RASSF7: variants seen among roughly 807,000 people sequenced by gnomAD.
RASSF7 encodes the protein Ras association domain family member 7.
RASSF7 carries 41 observed loss-of-function variants against 33.8 expected under a neutral mutation model. That is an observed-to-expected ratio of 1.21 (90% CI 0.95 to 1.57). The LOEUF is 1.57. Ranked by LOEUF, RASSF7 falls within the 40% of genes most tolerant of loss-of-function variation. The probability of loss-of-function intolerance (pLI) is 0.00; values close to 1 mark genes in which losing one functional copy is unlikely to be tolerated. For missense variants in RASSF7, 622 were observed against 497.0 expected (o/e 1.25, Z -2.39); for synonymous variants, 298 against 212.8 (o/e 1.40, Z -3.48).
In RASSF7 at chr11:562,644, C is replaced by T. The variant is rs1178640570; in HGVS notation, c.690C>T (p.Pro230=). The stretch of plus-strand genomic sequence containing the variant: ...AGCTGGCAGCGGAGGCCCCTGGGCC[C>T]CCCTCACCTATGGCATCTGCCACTG... ...ELQLAAEAPG[P]PSPMASATER... The change falls in exon 3 of 6, where the codon CCC becomes CCT. Residue 230 remains proline, a synonymous_variant. Transcript: ENST00000397583. 35 of 1,543,572 alleles carry T rather than the reference C, an allele frequency of 2.3e-5. No homozygotes were observed. The highest frequency in any genetic ancestry group is 7.3e-5 in the East Asian group (3 of 40,926).
chr11:561,194 C>T lies in RASSF7; in HGVS notation c.-291C>T, dbSNP rs1853278895. 1.0e-6 allele frequency: 1 copy of T among 984,812 alleles called. No individual in the cohort carries two copies. Among genetic ancestry groups the T allele is most frequent in the African/African-American group, 1.8e-5 (1 of 57,132 alleles). 61.0% of individuals were successfully genotyped at this position (984,812 alleles called of 1,614,324 possible). ...TGCGGAACGGGGACGCCCTGGCTCCCGCCAGGCTGGGGTCGCGGCGCGGGC... is the reference window on the plus strand; with the variant it reads ...TGCGGAACGGGGACGCCCTGGCTCCTGCCAGGCTGGGGTCGCGGCGCGGGC... On this transcript the variant is annotated 5_prime_UTR_variant, in exon 1 of 6. Coordinates refer to ENST00000397583, the MANE Select transcript of RASSF7 (RefSeq NM_003475.4).
Position 562,460 on chromosome 11 carries a change from T to A in RASSF7, c.506T>A (p.Leu169Gln). ...AGGGTGCAGAGGAATGCTGAGGAGCTGGGCCATGAGGCCTTCTGGGAGCAA... is the reference window on the plus strand; with the variant it reads ...AGGGTGCAGAGGAATGCTGAGGAGCAGGGCCATGAGGCCTTCTGGGAGCAA... ...ELRVQRNAEELGHEAFWEQEL... is the reference protein window; with the variant it reads ...ELRVQRNAEEQGHEAFWEQEL... The change falls in exon 3 of 6, where the codon CTG (leucine) becomes CAG (glutamine). Residue 169 changes from leucine (L) to glutamine (Q), a missense_variant. Physicochemically the swap from Leu to Gln is moderately radical, Grantham distance 113 (BLOSUM62 -2). Coordinates refer to ENST00000397583, the MANE Select transcript of RASSF7 (RefSeq NM_003475.4). The A allele has an allele frequency of 6.4e-7, 1 of 1,550,726 alleles. No homozygotes were observed. The highest frequency in any genetic ancestry group is 8.7e-7 in the Non-Finnish European group (1 of 1,147,016).
chr11:561,944 C>T, intron 2 of RASSF7, 52 bp downstream of exon 2: 1 of 1,607,222 alleles, frequency 6.2e-7, no homozygotes, highest in Non-Finnish European at 8.5e-7. Flanking sequence ...GAAGTGGGAC[C>T]TGGTGGTCCA....
In RASSF7 at chr11:563,239, C is replaced by T. The variant is rs1440240998; in HGVS notation, c.873C>T (p.Asn291=). 2 of 1,609,246 alleles carry T rather than the reference C, an allele frequency of 1.2e-6. No individual in the cohort carries two copies. Among genetic ancestry groups the T allele is most frequent in the Non-Finnish European group, 1.7e-6 (2 of 1,177,690 alleles). Residue 291 remains asparagine, a synonymous_variant, in exon 4 of 6, where the codon AAC becomes AAT. Transcript: ENST00000397583. Reference sequence around the variant, plus strand: ...TGAACCGAGAGCTCCGTCAGTGCAACCTGCAGCAGTTCATCCAGCAGACCG... The same window carrying T: ...TGAACCGAGAGCTCCGTCAGTGCAATCTGCAGCAGTTCATCCAGCAGACCG... The part of the protein sequence containing the change: ...EELNRELRQC[N]LQQFIQQTGA...
Position 563,307 on chromosome 11 carries a change from C to T in RASSF7, c.941C>T (p.Pro314Leu), listed in dbSNP as rs1182456233. 1.2e-6 allele frequency: 2 copies of T among 1,609,480 alleles called. No homozygotes were observed. The highest frequency in any genetic ancestry group is 3.4e-5 in the Admixed American group (2 of 59,476). ...PPPPRPDRGP[P>L]GTQGPLPPAR... ...CCCCCACGGCCTGACAGGGGCCCTC[C>T]TGGCACTCAGGTCGGAGTGGTTCTG... Residue 314 changes from proline (P) to leucine (L), a missense_variant, in exon 4 of 6, where the codon CCT becomes CTT. Physicochemically the swap from Pro to Leu is moderately conservative, Grantham distance 98. Coordinates refer to ENST00000397583, the MANE Select transcript of RASSF7 (RefSeq NM_003475.4).
Position 561,244 on chromosome 11 carries a change from G to C in RASSF7, c.-241G>C. ...CTTCGGTGCCCGCGGCGGGGACCGG[G>C]ACTTTCGGGGCGAGCGCAGCGATTA... On this transcript the variant is annotated 5_prime_UTR_variant, in exon 1 of 6. Coordinates refer to ENST00000397583, the MANE Select transcript of RASSF7 (RefSeq NM_003475.4). The C allele has an allele frequency of 1.0e-6, 1 of 985,424 alleles. No individual in the cohort carries two copies. The highest frequency in any genetic ancestry group is 1.2e-6 in the Non-Finnish European group (1 of 829,926). The allele number at this position is 985,424 out of a possible 1,614,324, so 61.0% of individuals were successfully genotyped here. A position where few individuals can be genotyped will look rare whatever the true frequency, so the allele number is the denominator to read the frequency against.
Position 561,801 on chromosome 11 carries a change from G to C in RASSF7, c.33G>C (p.Lys11Asn). The part of the protein sequence containing the change: MLLGLAAMEL[K>N]VWVDGIQRVV... ...TGGGACTGGCGGCCATGGAGCTGAA[G>C]GTGTGGGTGGATGGCATCCAGCGTG... Residue 11 changes from lysine to asparagine, a missense_variant, in exon 2 of 6, where the codon AAG (lysine) becomes AAC (asparagine). Coordinates refer to ENST00000397583, the MANE Select transcript of RASSF7 (RefSeq NM_003475.4). 6.2e-7 allele frequency: 1 copy of C among 1,613,402 alleles called. No individual in the cohort carries two copies. Among genetic ancestry groups the C allele is most frequent in the South Asian group, 1.1e-5 (1 of 91,086 alleles).
In RASSF7 at chr11:561,453, G is replaced by T. The variant is rs1853296724; in HGVS notation, c.-32G>T. The T allele has an allele frequency of 5.0e-6, 6 of 1,194,130 alleles. No individual in the cohort carries two copies. Among genetic ancestry groups the T allele is most frequent in the Non-Finnish European group, 6.3e-6 (6 of 956,690 alleles). 74.0% of individuals were successfully genotyped at this position (1,194,130 alleles called of 1,614,324 possible). A position where few individuals can be genotyped will look rare whatever the true frequency, so the allele number is the denominator to read the frequency against. On this transcript the variant is annotated 5_prime_UTR_variant, in exon 1 of 6. Transcript: ENST00000397583. ...TGCGGGCGCCTCCGCGCCGCCCGGGGAGGGGGCAGTGTCCTCCGAGCCAGG... is the reference window on the plus strand; with the variant it reads ...TGCGGGCGCCTCCGCGCCGCCCGGGTAGGGGGCAGTGTCCTCCGAGCCAGG...
In RASSF7 at chr11:562,413, A is replaced by G; in HGVS notation, c.459A>G (p.Thr153=). The G allele has an allele frequency of 6.4e-7, 1 of 1,560,862 alleles. No individual in the cohort carries two copies. Among genetic ancestry groups the G allele is most frequent in the Non-Finnish European group, 8.7e-7 (1 of 1,152,360 alleles). ...APVTPTPGCC[T]DLRGLELRVQ... Reference sequence around the variant, plus strand: ...TGACACCCACACCAGGCTGCTGCACAGACCTGCGGGGCCTGGAGCTCAGGG... The same window carrying G: ...TGACACCCACACCAGGCTGCTGCACGGACCTGCGGGGCCTGGAGCTCAGGG... Residue 153 remains threonine (T), a synonymous_variant, in exon 3 of 6, where the codon ACA becomes ACG. Transcript: ENST00000397583.
Position 561,847 on chromosome 11 carries a change from C to G in RASSF7, c.79C>G (p.Gln27Glu), listed in dbSNP as rs1853333161. The change falls in exon 2 of 6, where the codon CAG (glutamine) becomes GAG (glutamate). Residue 27 changes from glutamine (Q) to glutamate (E), a missense_variant. Transcript: ENST00000397583. ...GCGTGTGGTCTGTGGGGTCTCAGAG[C>G]AGACCACCTGCCAGGAAGTGGTCAT... ...IQRVVCGVSEQTTCQEVVIAL... is the reference protein window; with the variant it reads ...IQRVVCGVSEETTCQEVVIAL... 2 of 1,613,416 alleles carry G rather than the reference C, an allele frequency of 1.2e-6. No individual in the cohort carries two copies. The highest frequency in any genetic ancestry group is 2.2e-5 in the South Asian group (2 of 91,078).
rs200731347 is a variant in RASSF7, at chr11:563,332, G to C, written c.951+15G>C. 111 of 1,606,704 alleles carry C rather than the reference G, an allele frequency of 6.9e-5. 1 individual carries two copies. The East Asian group carries it at 1.8e-3, about 27-fold the overall frequency. On this transcript the variant is annotated intron_variant, in intron 4 of 5. Transcript: ENST00000397583. ...CTGGCACTCAGGTCGGAGTGGTTCT[G>C]GGGGGAGGCTGGGAGGTGAGGACCT...
chr11:561,798 G>C lies in RASSF7; in HGVS notation c.30G>C (p.Leu10=). The change falls in exon 2 of 6, where the codon CTG becomes CTC. Residue 10 remains leucine (L), a synonymous_variant. Transcript: ENST00000397583. ...TGTTGGGACTGGCGGCCATGGAGCT[G>C]AAGGTGTGGGTGGATGGCATCCAGC... MLLGLAAME[L]KVWVDGIQRV... 6.2e-7 allele frequency: 1 copy of C among 1,613,408 alleles called. No individual in the cohort carries two copies. The highest frequency in any genetic ancestry group is 8.5e-7 in the Non-Finnish European group (1 of 1,180,026).
chr11:562,355 C>A lies in RASSF7; in HGVS notation c.401C>A (p.Pro134His). Residue 134 changes from proline (P) to histidine (H), a missense_variant, in exon 3 of 6, where the codon CCC becomes CAC. Transcript: ENST00000397583. ...PRKTLTPEPA[P>H]SLSRPGPAAP... ...AAAACACTGACCCCCGAGCCAGCCC[C>A]CAGCCTCTCACGCCCTGGGCCTGCG... The A allele has an allele frequency of 1.2e-6, 2 of 1,603,162 alleles. No homozygotes were observed. The highest frequency in any genetic ancestry group is 8.5e-7 in the Non-Finnish European group (1 of 1,175,658).
In RASSF7 at chr11:561,386, C is replaced by A; in HGVS notation, c.-99C>A. ...GAGCGCCTCTGCGGCCTGAGCAGGT[C>A]GGGGTGGGGCGTTCCCATGCCGGCG... is the stretch of plus-strand genomic sequence containing the variant. On this transcript the variant is annotated 5_prime_UTR_variant, in exon 1 of 6. Transcript: ENST00000397583. The A allele has an allele frequency of 9.1e-7, 1 of 1,097,670 alleles. No homozygotes were observed. The highest frequency in any genetic ancestry group is 2.7e-5 in the South Asian group (1 of 37,212). 68.0% of individuals were successfully genotyped at this position (1,097,670 alleles called of 1,614,324 possible).
chr11:562,266 A>C lies in RASSF7; in HGVS notation c.312A>C (p.Glu104Asp), dbSNP rs775998412. The C allele has an allele frequency of 1.2e-6, 2 of 1,612,942 alleles. No homozygotes were observed. The highest frequency in any genetic ancestry group is 2.2e-5 in the South Asian group (2 of 91,084). The change falls in exon 3 of 6, where the codon GAA (glutamate) becomes GAC (aspartate). Residue 104 changes from glutamate to aspartate, a missense_variant. By Grantham distance (45) the Glu-to-Asp change is conservative. Coordinates refer to ENST00000397583, the MANE Select transcript of RASSF7 (RefSeq NM_003475.4). ...CCTCAGACAGCTGTCCACCCCCGGA[A>C]CGCTGCCTAATTCGTGCCAGCCTCC... is the stretch of plus-strand genomic sequence containing the variant. ...RPSSDSCPPP[E>D]RCLIRASLPV...
chr11:561,538 C>T (rs1853303910), intron 1 of RASSF7, 61 bp downstream of exon 1: 2 of 1,406,560 alleles, frequency 1.4e-6, no homozygotes, highest in Non-Finnish European at 1.9e-6. Context: ...GGAGTGCGAG[C>T]GTGGCAAGAG....
rs1853308291 is a variant in RASSF7, at chr11:561,591, C to T, written c.-8+114C>T. ...GGAGGATGCGTGCTCCGGAGGGCCG[C>T]CACCCCAGGAATGTGTGGCTGGCGG... On this transcript the variant is annotated intron_variant, in intron 1 of 5. Coordinates refer to ENST00000397583, the MANE Select transcript of RASSF7 (RefSeq NM_003475.4). 2.2e-6 allele frequency: 3 copies of T among 1,388,984 alleles called. No homozygotes were observed. In the African/African-American group the frequency reaches 4.4e-5, roughly 20 times the overall value. 86.0% of individuals were successfully genotyped at this position (1,388,984 alleles called of 1,614,324 possible).
In RASSF7 at chr11:563,604, C is replaced by G. The variant is rs868105507; in HGVS notation, c.1081C>G (p.Pro361Ala). 1 of 1,611,918 alleles carries G rather than the reference C, an allele frequency of 6.2e-7. No homozygotes were observed. Among genetic ancestry groups the G allele is most frequent in the Non-Finnish European group, 8.5e-7 (1 of 1,179,892 alleles). ...ELLEVAAAPAPEWCPLAAQPQ... is the reference protein window; with the variant it reads ...ELLEVAAAPAAEWCPLAAQPQ... ...CCTGGAGGTAGCAGCAGCTCCTGCC[C>G]CAGAGTGGTGTCCTCTGGCAGCCCA... The change falls in exon 6 of 6, where the codon CCA becomes GCA. Residue 361 changes from proline to alanine, a missense_variant. Transcript: ENST00000397583.
rs1396028360 is a variant in RASSF7 at position 561,774 on chromosome 11, G to T, written c.6G>T (p.Leu2Phe). 6.2e-7 allele frequency: 1 copy of T among 1,613,482 alleles called. No individual in the cohort carries two copies. The highest frequency in any genetic ancestry group is 1.1e-5 in the South Asian group (1 of 91,088). ...GCCCTCCCCACAGGACAGGCATGTTGTTGGGACTGGCGGCCATGGAGCTGA... is the reference window on the plus strand; with the variant it reads ...GCCCTCCCCACAGGACAGGCATGTTTTTGGGACTGGCGGCCATGGAGCTGA... Reference protein sequence around the residue: MLLGLAAMELKV... With the variant: MFLGLAAMELKV... The change falls in exon 2 of 6, where the codon TTG becomes TTT. Residue 2 changes from leucine (L) to phenylalanine (F), a missense_variant. Transcript: ENST00000397583.
Sources: gnomAD v4.1 joint callset for allele counts on GRCh38, gnomAD v4.1.1 for gene constraint, MANE v1.5 for transcripts, NCBI Gene and HGNC (gene_info 2026-07-23, HGNC 2026-07-21) for gene names.